CNTNAP2: variants seen among roughly 807,000 people sequenced by gnomAD.
The protein encoded by CNTNAP2 is contactin-associated protein-like 2.
CNTNAP2 carries 98 observed loss-of-function variants against 155.2 expected under a neutral mutation model. That is an observed-to-expected ratio of 0.63 (90% confidence interval 0.54 to 0.75). The LOEUF is 0.75. Among genes scored for constraint, CNTNAP2 ranks in the 30% least tolerant of loss-of-function variants. The pLI, the probability that CNTNAP2 is intolerant of heterozygous loss-of-function variation, is 0.00. For synonymous variants in CNTNAP2, 651 were observed against 631.2 expected, an observed-to-expected ratio of 1.03 and a Z score of -0.47; for missense variants, 1,727 against 1,688.1, an observed-to-expected ratio of 1.02 and a Z score of -0.40.
At chr7:146,688,255 A>G (rs1800636913) in intron 1 of CNTNAP2, among the ~76,000 whole-genome samples, 1 of 152,180 alleles carries the variant, frequency 6.6e-6, no homozygotes, top group Non-Finnish European at 1.5e-5. Context: ...CATCTGATAC[A>G]GCAATAATCA....
intron 11 of CNTNAP2, among the ~76,000 whole-genome samples, chr7:147,539,229 A>C (rs1799599125): frequency 2.6e-5 from 4 of 152,168 alleles, no homozygotes; most frequent in African/African-American, 9.7e-5. Flanking sequence ...CCTTGGGAAG[A>C]TAATAGCTAG....
chr7:146,820,104 C>A (rs983653428), intron 2 of CNTNAP2, among the ~76,000 whole-genome samples: 1 of 152,162 alleles, frequency 6.6e-6, no homozygotes, highest in African/African-American at 2.4e-5. Flanking sequence ...GTATGTAGAG[C>A]ATCTCATGCT....
At position 146,873,536 on chromosome 7, in the gene CNTNAP2, G is replaced by A. The variant is rs73740899; in HGVS notation, c.402+33632G>A. ...AAAGTGTAGAACTGGAAGTGCATGC[G>A]ATTCAGAGGCTGCACAGTGACCCTC... is the stretch of plus-strand genomic sequence containing the variant. On this transcript the variant is annotated intron_variant, in intron 3 of 23. Coordinates refer to ENST00000361727, the MANE Select transcript of CNTNAP2 (RefSeq NM_014141.6). Among the ~76,000 whole-genome samples the A allele has an allele frequency of 6.2e-3, 942 of 152,118 alleles. 11 individuals carry two copies. Among genetic ancestry groups the A allele is most frequent in the African/African-American group, 0.021 (891 of 41,506 alleles).
chr7:146,195,368 A>T (rs1798760607), intron 1 of CNTNAP2, among the ~76,000 whole-genome samples: 1 of 152,208 alleles, frequency 6.6e-6, no homozygotes, highest in Non-Finnish European at 1.5e-5. Context: ...GAGAAGAGGA[A>T]ACTGCACCAG....
chr7:147,233,996 TA>T (rs1183007076), intron 8 of CNTNAP2, among the ~76,000 whole-genome samples: 3 of 144,332 alleles, frequency 2.1e-5, no homozygotes, highest in Admixed American at 7.0e-5. Flanking sequence ...TTGCTTTGTG[TA>T]AAAAATATTA....
intron 20 of CNTNAP2, among the ~76,000 whole-genome samples, chr7:148,263,669 G>A (rs1359258814): frequency 6.6e-6 from 1 of 151,296 alleles, no homozygotes; most frequent in African/African-American, 2.4e-5. Context: ...CCCGGGAGGC[G>A]GAGCTTGCAG....
chr7:147,658,585 C>T (rs1795563473), intron 13 of CNTNAP2, among the ~76,000 whole-genome samples: 1 of 152,080 alleles, frequency 6.6e-6, no homozygotes, highest in African/African-American at 2.4e-5. Context: ...TGTTCTCTAC[C>T]CCGCCAAATC....
intron 12 of CNTNAP2, among the ~76,000 whole-genome samples, chr7:147,576,910 C>T (rs1272526283): frequency 6.6e-6 from 1 of 152,068 alleles, no homozygotes; most frequent in East Asian, 1.9e-4. Flanking sequence ...ACCAGCCTTA[C>T]ACCAACCCTT....
At chr7:148,119,605 G>A (rs1225477630) in intron 16 of CNTNAP2, among the ~76,000 whole-genome samples, 2 of 152,200 alleles carry the variant, frequency 1.3e-5, no homozygotes, top group African/African-American at 2.4e-5. Flanking sequence ...GGTCTGGTCT[G>A]AGAATGATCC....
intron 1 of CNTNAP2, among the ~76,000 whole-genome samples, chr7:146,663,287 AAAAAAAAAAAAG>A (rs1800125820): frequency 1.6e-5 from 2 of 128,764 alleles, no homozygotes; most frequent in African/African-American, 2.7e-5. Context: ...CAAAAAAAAA[AAAAAAAAAAAAG>A]AAAGAAAGAA....
intron 1 of CNTNAP2, among the ~76,000 whole-genome samples, chr7:146,738,688 G>A (rs1315187562): frequency 2.0e-5 from 3 of 151,784 alleles, no homozygotes; most frequent in African/African-American, 7.3e-5. Context: ...GTTGATTTTT[G>A]TATATGGTGT....
At chr7:147,774,153 T>G (rs1797521168) in intron 13 of CNTNAP2, among the ~76,000 whole-genome samples, 1 of 152,204 alleles carries the variant, frequency 6.6e-6, no homozygotes, top group Non-Finnish European at 1.5e-5. Context: ...TCTTGGCACT[T>G]AATGCTATCT....
At chr7:146,570,878 A>G (rs1798430906) in intron 1 of CNTNAP2, among the ~76,000 whole-genome samples, 1 of 152,132 alleles carries the variant, frequency 6.6e-6, no homozygotes, top group African/African-American at 2.4e-5. Context: ...ACACTTAGGT[A>G]ATAAATGAGA....
intron 1 of CNTNAP2, among the ~76,000 whole-genome samples, chr7:146,365,179 C>T (rs1795138241): frequency 6.6e-6 from 1 of 152,110 alleles, no homozygotes; most frequent in South Asian, 2.1e-4. Context: ...GTCTTTTACT[C>T]TAGCCATTGT....
Position 146,701,749 on chromosome 7 carries a change from C to G in CNTNAP2, c.98-72522C>G, listed in dbSNP as rs550103999. ...ACATCATCCTTGAAAATATATTATA[C>G]TCTGATATTGAGAAATTTGCAGATT... is the stretch of plus-strand genomic sequence containing the variant. On this transcript the variant is annotated intron_variant, in intron 1 of 23. Coordinates refer to ENST00000361727, the MANE Select transcript of CNTNAP2 (RefSeq NM_014141.6). Among the ~76,000 whole-genome samples, 160 of 152,090 alleles carry G rather than the reference C, an allele frequency of 1.1e-3. 1 individual carries two copies. Among genetic ancestry groups the G allele is most frequent in the African/African-American group, 3.7e-3 (152 of 41,508 alleles).
intron 13 of CNTNAP2, among the ~76,000 whole-genome samples, chr7:147,866,646 C>CT (rs1799234267): frequency 6.6e-6 from 1 of 152,074 alleles, no homozygotes; most frequent in African/African-American, 2.4e-5. Flanking sequence ...GTTAGCTCTT[C>CT]TTTTTGAATT....
At chr7:147,608,929 G>A (rs1440538658) in intron 12 of CNTNAP2, among the ~76,000 whole-genome samples, 32 of 152,208 alleles carry the variant, frequency 2.1e-4, no homozygotes, top group Admixed American at 1.5e-3. Context: ...GTGCTCAGTC[G>A]GGGAGCTTCT....
intron 13 of CNTNAP2, among the ~76,000 whole-genome samples, chr7:147,802,134 G>C (rs1281575254): frequency 1.3e-5 from 2 of 149,876 alleles, no homozygotes; most frequent in African/African-American, 2.5e-5. Flanking sequence ...TCACCTCCCA[G>C]ACGGGGTCGC....
intron 3 of CNTNAP2, among the ~76,000 whole-genome samples, chr7:146,947,443 C>T (rs1425572906): frequency 2.1e-5 from 3 of 142,196 alleles, no homozygotes; most frequent in Non-Finnish European, 4.6e-5. Flanking sequence ...TACACACACA[C>T]ACACATATAT....
Sources: gnomAD v4.1 joint callset for allele counts (sites outside exome capture counted in the v4.1 genomes callset) on GRCh38, gnomAD v4.1.1 for gene constraint, MANE v1.5 for transcripts, NCBI Gene and HGNC (gene_info 2026-07-23, HGNC 2026-07-21) for gene names.